The following AEN variants were observed in gnomAD, a reference collection of about 807,000 sequenced individuals.
AEN encodes the protein apoptosis enhancing nuclease, also known as apoptosis-enhancing nuclease.
AEN carries 21 observed loss-of-function variants against 17.7 expected under a neutral mutation model. The ratio of observed to expected loss-of-function variants is 1.19; its 90% confidence interval spans 0.84 to 1.71. The LOEUF (loss-of-function observed/expected upper bound fraction) is 1.71. Ranked by LOEUF, AEN falls within the 40% of genes most tolerant of loss-of-function variation. The pLI, the probability that AEN is intolerant of heterozygous loss-of-function variation, is 0.00. For synonymous variants in AEN, 190 were observed against 173.0 expected, an observed-to-expected ratio of 1.10 and a Z score of -0.77; for missense variants, 462 against 435.9, an observed-to-expected ratio of 1.06 and a Z score of -0.53.
chr15:88,610,325 TA>T, the AEN span, among the ~76,000 whole-genome samples: 1 of 148,950 alleles, frequency 6.7e-6, no homozygotes, highest in Non-Finnish European at 1.5e-5. Context: ...TTTTTTTTTG[TA>T]AAAGAAATTA....
chr15:88,627,077 G>C (rs1011245537), intron 2 of AEN: 8 of 298,988 alleles, frequency 2.7e-5, no homozygotes, highest in Non-Finnish European at 5.1e-5. Context: ...GCCCACAGTG[G>C]CATCACGTTC....
At chr15:88,608,260 A>T in the AEN span, 1 of 460,778 alleles carries the variant, frequency 2.2e-6, no homozygotes, top group South Asian at 1.6e-5. Flanking sequence ...CAAAGGACAG[A>T]ACTCAGAGTC....
intron 3 of AEN, among the ~76,000 whole-genome samples, 161 bp from the exon 4 acceptor site, chr15:88,629,897 T>C (rs1468683164): frequency 6.6e-6 from 1 of 152,236 alleles, no homozygotes; most frequent in African/African-American, 2.4e-5. Flanking sequence ...GCATGGCTTA[T>C]GGTGTACAGT....
In AEN at chr15:88,630,171, C is replaced by T. The variant is rs750042398; in HGVS notation, c.855C>T (p.Pro285=). 1.2e-5 allele frequency: 20 copies of T among 1,613,556 alleles called. No individual in the cohort carries two copies. Among genetic ancestry groups the T allele is most frequent in the Middle Eastern group, 3.3e-4 (2 of 6,084 alleles). The change falls in exon 4 of 4, where the codon CCC becomes CCT. Residue 285 remains proline (P), a synonymous_variant. Coordinates refer to ENST00000332810, the MANE Select transcript of AEN (RefSeq NM_022767.4). This position sits in a 1 kb window ranked among gnomAD's most constrained non-coding sequence, Gnocchi z 5.1. ...QQEARSLWTC[P]EDREPDSSTD... ...AGGCCCGCAGCCTCTGGACCTGCCC[C>T]GAGGACAGAGAACCTGACAGCAGCA...
rs374829229 is a variant in AEN at position 88,630,236 on chromosome 15, A to G, written c.920A>G (p.Asp307Gly). The G allele has an allele frequency of 6.2e-7, 1 of 1,603,426 alleles. No homozygotes were observed. Among genetic ancestry groups the G allele is most frequent in the Non-Finnish European group, 8.5e-7 (1 of 1,175,442 alleles). Residue 307 changes from aspartate (D) to glycine (G), a missense_variant, in exon 4 of 4, where the codon GAT (aspartate) becomes GGT (glycine). Physicochemically the swap from Asp to Gly is moderately conservative, Grantham distance 94. Transcript: ENST00000332810. This position sits in a 1 kb window ranked among gnomAD's most constrained non-coding sequence, Gnocchi z 5.1. The stretch of plus-strand genomic sequence containing the variant: ...TACATGGAGGACCAGTACTGGCCCG[A>G]TGACCTGGCCCACGGCAGCAGAGGA... ...EQYMEDQYWP[D>G]DLAHGSRGGA...
chr15:88,626,066 A>T, intron 1 of AEN, 80 bp from the exon 2 acceptor site: 1 of 887,100 alleles, frequency 1.1e-6, no homozygotes, highest in Non-Finnish European at 1.6e-6. Context: ...ACCGTGGTGC[A>T]CTGCAGGGAG....
chr15:88,617,828 T>C (rs754483157), upstream of AEN, among the ~76,000 whole-genome samples: 2 of 74,726 alleles, frequency 2.7e-5, no homozygotes, highest in Non-Finnish European at 7.5e-5. Flanking sequence ...GCTTGGCCCA[T>C]TGATCAGCTG....
At chr15:88,608,773 G>A in the AEN span, among the ~76,000 whole-genome samples, 6 of 152,226 alleles carry the variant, frequency 3.9e-5, no homozygotes, top group African/African-American at 1.4e-4. Flanking sequence ...AAAGCTGAAT[G>A]GATGGAGACA....
upstream of AEN, chr15:88,621,182 T>C (rs73451723): frequency 0.1 from 15,816 of 152,334 alleles, 928 homozygotes; most frequent in Non-Finnish European, 0.14. Flanking sequence ...AGTTACGCCC[T>C]CTTCAGGAGT....
chr15:88,627,882 A>T (rs1015041258), intron 2 of AEN: 1 of 152,240 alleles, frequency 6.6e-6, no homozygotes, highest in African/African-American at 2.4e-5. Flanking sequence ...TTTTCTAAAC[A>T]AGCCTTGTAA....
chr15:88,622,485 C>A (rs1036992783), intron 1 of AEN, among the ~76,000 whole-genome samples: 2 of 152,160 alleles, frequency 1.3e-5, no homozygotes, highest in Non-Finnish European at 2.9e-5. Flanking sequence ...TCTCAAAATC[C>A]GAGCTTGTTG....
At position 88,630,417 on chromosome 15, in the gene AEN, C is replaced by A. The variant is rs1309809270; in HGVS notation, c.*123C>A. The A allele has an allele frequency of 1.1e-6, 1 of 886,866 alleles. No homozygotes were observed. The highest frequency in any genetic ancestry group is 1.8e-6 in the Non-Finnish European group (1 of 568,560). The allele number at this position is 886,866 out of a possible 1,614,324, so 54.9% of individuals were successfully genotyped here. A position where few individuals can be genotyped will look rare whatever the true frequency, so the allele number is the denominator to read the frequency against. On this transcript the variant is annotated 3_prime_UTR_variant, in exon 4 of 4. Transcript: ENST00000332810. This position sits in a 1 kb window ranked among gnomAD's most constrained non-coding sequence, Gnocchi z 5.1. ...GGATGCAGTGAGCCAGCCCCAGGGC[C>A]AGAGGAGTAGGGGTCATCTGTTACC...
At chr15:88,625,789 G>T (rs988154529) in intron 1 of AEN, among the ~76,000 whole-genome samples, 11 of 152,324 alleles carry the variant, frequency 7.2e-5, no homozygotes, top group African/African-American at 2.6e-4. Context: ...GCCATGGTTT[G>T]AGGTTGAGGG....
rs2057848553 is a variant in AEN at position 88,626,142 on chromosome 15, T to G, written c.-64-4T>G. 6.7e-7 allele frequency: 1 copy of G among 1,492,504 alleles called. No homozygotes were observed. The highest frequency in any genetic ancestry group is 8.9e-7 in the Non-Finnish European group (1 of 1,124,184). The allele number at this position is 1,492,504 out of a possible 1,614,324, so 92.5% of individuals were successfully genotyped here. A position where few individuals can be genotyped will look rare whatever the true frequency, so the allele number is the denominator to read the frequency against. ...GCCCCTCTGCCTGTGTGTTCTCTCT[T>G]CAGGCTGCTGCCCCATTGGAAGATT... On this transcript the variant is annotated splice_polypyrimidine_tract_variant and splice_region_variant and intron_variant, in intron 1 of 3. Coordinates refer to ENST00000332810, the MANE Select transcript of AEN (RefSeq NM_022767.4).
chr15:88,614,369 T>C, the AEN span, among the ~76,000 whole-genome samples: 1 of 151,690 alleles, frequency 6.6e-6, no homozygotes, highest in Non-Finnish European at 1.5e-5. Context: ...CCTGGCTAAT[T>C]ACAGTATTTT....
chr15:88,606,243 C>A, the AEN span, among the ~76,000 whole-genome samples: 1 of 152,174 alleles, frequency 6.6e-6, no homozygotes, highest in Admixed American at 6.5e-5. Context: ...TTTTCCCTTC[C>A]TTCCTTCCTC....
the AEN span, among the ~76,000 whole-genome samples, chr15:88,610,113 A>G: frequency 9.2e-5 from 14 of 152,254 alleles, no homozygotes; most frequent in East Asian, 2.7e-3. Flanking sequence ...ATTACTTCTC[A>G]AAGTTTATTT....
the AEN span, chr15:88,611,856 T>C: frequency 1.9e-6 from 1 of 520,698 alleles, no homozygotes; most frequent in East Asian, 5.9e-5. Flanking sequence ...TGGCCCCATC[T>C]GGAAGACTAG....
the AEN span, among the ~76,000 whole-genome samples, chr15:88,606,326 GC>G: frequency 2.9e-4 from 44 of 152,170 alleles, no homozygotes; most frequent in African/African-American, 1.1e-3. Context: ...AGATATTGAA[GC>G]CGAGGTAAGA....
Sources: gnomAD v4.1 joint callset for allele counts (sites outside exome capture counted in the v4.1 genomes callset) on GRCh38, gnomAD v4.1.1 for gene constraint, Gnocchi (gnomAD v3.1) non-coding constraint, MANE v1.5 for transcripts, NCBI Gene and HGNC (gene_info 2026-07-23, HGNC 2026-07-21) for gene names.